The following OR10A2 variants were observed in gnomAD, a reference collection of about 807,000 sequenced individuals.
OR10A2 encodes olfactory receptor family 10 subfamily A member 2.
A neutral mutation model predicts 13.7 loss-of-function variants in OR10A2; 15 were observed. The observed-to-expected ratio is 1.10, with a 90% CI of 0.73 to 1.69. The LOEUF is 1.69. Ranked by LOEUF, OR10A2 falls within the 40% of genes most tolerant of loss-of-function variation. OR10A2 has a pLI of 0.00. For synonymous variants in OR10A2, 145 were observed against 144.7 expected (o/e 1.00, Z -0.02); for missense variants, 343 against 361.1 (o/e 0.95, Z 0.41).
Position 6,870,292 on chromosome 11 carries a change from G to A in OR10A2, c.538G>A (p.Ala180Thr), listed in dbSNP as rs1187151677. The A allele has an allele frequency of 6.2e-7, 1 of 1,614,206 alleles. No individual in the cohort carries two copies. The highest frequency in any genetic ancestry group is 8.5e-7 in the Non-Finnish European group (1 of 1,180,038). The change falls in exon 2 of 2, where the codon GCA (alanine) becomes ACA (threonine). Residue 180 changes from alanine to threonine, a missense_variant. Physicochemically the swap from Ala to Thr is moderately conservative, Grantham distance 58. Coordinates refer to ENST00000641461, the MANE Select transcript of OR10A2 (RefSeq NM_001004460.2). ...GCTGAGGCTGGTCTGTGCAGACACA[G>A]CACTCTTTGAGATCTACGCCATCGT... Reference protein sequence around the residue: ...PVLRLVCADTALFEIYAIVGT... With the variant: ...PVLRLVCADTTLFEIYAIVGT...
chr11:6,866,895 T>A (rs930688522), intron 1 of OR10A2, among the ~76,000 whole-genome samples: 3 of 152,180 alleles, frequency 2.0e-5, no homozygotes, highest in Non-Finnish European at 2.9e-5. Context: ...AGACATTTAT[T>A]CTTCCTCTGG....
intron 1 of OR10A2, among the ~76,000 whole-genome samples, chr11:6,866,008 TAATAA>T (rs1848376178): frequency 6.6e-6 from 1 of 152,212 alleles, no homozygotes; most frequent in African/African-American, 2.4e-5. Context: ...GTAAGTGGAA[TAATAA>T]AATATGTGTC....
Position 6,873,254 on chromosome 11 carries a change from A to T in OR10A2, c.*2588A>T, listed in dbSNP as rs1848454331. 1 of 152,268 alleles carries T rather than the reference A, an allele frequency of 6.6e-6. No homozygotes were observed. The highest frequency in any genetic ancestry group is 1.5e-5 in the Non-Finnish European group (1 of 68,044). The allele number at this position is 152,268 out of a possible 1,614,324, so 9.4% of individuals were successfully genotyped here. A position where few individuals can be genotyped will look rare whatever the true frequency, so the allele number is the denominator to read the frequency against. ...GCAACTTTAAAGACAAGGCATTAGT[A>T]GAAACAACATTTGGTTCCCAGAGAG... On this transcript the variant is annotated 3_prime_UTR_variant, in exon 2 of 2. Transcript: ENST00000641461.
Position 6,869,662 on chromosome 11 carries a change from C to A in OR10A2, c.-93C>A. ...AAAAACAAATTGAGAATCTGACTTC[C>A]AATCAATAATCTTTCTCCATGACCA... On this transcript the variant is annotated 5_prime_UTR_variant, in exon 2 of 2. Transcript: ENST00000641461. The A allele has an allele frequency of 9.1e-7, 1 of 1,097,286 alleles. No individual in the cohort carries two copies. The highest frequency in any genetic ancestry group is 1.3e-6 in the Non-Finnish European group (1 of 743,426). 68.0% of individuals were successfully genotyped at this position (1,097,286 alleles called of 1,614,324 possible).
intron 1 of OR10A2, among the ~76,000 whole-genome samples, chr11:6,867,995 C>G (rs1265074801): frequency 2.0e-5 from 3 of 152,210 alleles, no homozygotes; most frequent in African/African-American, 7.2e-5. Flanking sequence ...AGTGATCCAC[C>G]TGCCTCAGGC....
chr11:6,873,575 T>C lies in OR10A2; in HGVS notation c.*2909T>C, dbSNP rs1457272608. On this transcript the variant is annotated 3_prime_UTR_variant, in exon 2 of 2. Transcript: ENST00000641461. ...CACAAACACAGGAGTGCTGAGAGAC[T>C]ATGATGTGTGTAAGGAACACAAAGC... 6.6e-6 allele frequency: 1 copy of C among 152,202 alleles called. No homozygotes were observed. The highest frequency in any genetic ancestry group is 1.9e-4 in the East Asian group (1 of 5,202). 9.4% of individuals were successfully genotyped at this position (152,202 alleles called of 1,614,324 possible).
At position 6,865,203 on chromosome 11, in the gene OR10A2, GA is replaced by G. The variant is rs1245539934; in HGVS notation, c.-133+1855del. Among the ~76,000 whole-genome samples, 12 of 146,704 alleles carry G rather than the reference GA, an allele frequency of 8.2e-5. 1 individual carries two copies. In the East Asian group the frequency reaches 2.4e-3, roughly 29 times the overall value. On this transcript the variant is annotated intron_variant, in intron 1 of 1. Transcript: ENST00000641461. Reference sequence around the variant, plus strand: ...TATATTTATATATTTAGAAAATTTGGAAATCCAGAAAAATAAAAATAATAAA... The same window carrying G: ...TATATTTATATATTTAGAAAATTTGGAATCCAGAAAAATAAAAATAATAAA...
rs369937168 is a variant in OR10A2, at chr11:6,869,902, C to T, written c.148C>T (p.Leu50Phe). The change falls in exon 2 of 2, where the codon CTC (leucine) becomes TTC (phenylalanine). Residue 50 changes from leucine to phenylalanine, a missense_variant. By Grantham distance (22) the Leu-to-Phe change is conservative. Transcript: ENST00000641461. ...PMLHSPMYFF[L>F]RNLSFLEIGF... The stretch of plus-strand genomic sequence containing the variant: ...GCTACACAGCCCCATGTACTTCTTC[C>T]TCAGAAACTTATCTTTCCTGGAGAT... 4.8e-5 allele frequency: 77 copies of T among 1,614,040 alleles called. No homozygotes were observed. Among genetic ancestry groups the T allele is most frequent in the Non-Finnish European group, 6.4e-5 (76 of 1,180,024 alleles).
chr11:6,867,614 A>G (rs1848389643), intron 1 of OR10A2, among the ~76,000 whole-genome samples: 2 of 152,160 alleles, frequency 1.3e-5, no homozygotes, highest in Non-Finnish European at 2.9e-5. Context: ...AAGGGAAACA[A>G]TTGATTTGAT....
chr11:6,866,061 T>C lies in OR10A2; in HGVS notation c.-133+2710T>C, dbSNP rs74719064. ...TCAGAATTATCTGTAAATTCATTCA[T>C]GTTATTGCATGTATCAATAGTTCAT... On this transcript the variant is annotated intron_variant, in intron 1 of 1. Coordinates refer to ENST00000641461, the MANE Select transcript of OR10A2 (RefSeq NM_001004460.2). Among the ~76,000 whole-genome samples, 1,119 of 152,348 alleles carry C rather than the reference T, an allele frequency of 7.3e-3. 15 individuals carry two copies. Among genetic ancestry groups the C allele is most frequent in the African/African-American group, 0.026 (1,061 of 41,570 alleles).
At chr11:6,866,460 C>A (rs3963527) in intron 1 of OR10A2, among the ~76,000 whole-genome samples, 49,635 of 151,940 alleles carry the variant, frequency 0.33, 8,608 homozygotes, top group South Asian at 0.41. Flanking sequence ...TTCTTCTTCC[C>A]ATGTGGCCCA....
In OR10A2 at chr11:6,869,672, T is replaced by A; in HGVS notation, c.-83T>A. ...TGAGAATCTGACTTCCAATCAATAATCTTTCTCCATGACCACAGTTGGGGA... is the reference window on the plus strand; with the variant it reads ...TGAGAATCTGACTTCCAATCAATAAACTTTCTCCATGACCACAGTTGGGGA... On this transcript the variant is annotated 5_prime_UTR_variant, in exon 2 of 2. Transcript: ENST00000641461. 2 of 1,162,498 alleles carry A rather than the reference T, an allele frequency of 1.7e-6. No homozygotes were observed. The highest frequency in any genetic ancestry group is 2.5e-6 in the Non-Finnish European group (2 of 799,468). 72.0% of individuals were successfully genotyped at this position (1,162,498 alleles called of 1,614,324 possible). A position where few individuals can be genotyped will look rare whatever the true frequency, so the allele number is the denominator to read the frequency against.
At chr11:6,867,316 A>C (rs1396876596) in intron 1 of OR10A2, among the ~76,000 whole-genome samples, 5 of 152,088 alleles carry the variant, frequency 3.3e-5, no homozygotes, top group Middle Eastern at 3.4e-3. Flanking sequence ...AGTTCATGCA[A>C]TTCTCGTGCC....
In OR10A2 at chr11:6,870,151, G is replaced by C. The variant is rs1253457990; in HGVS notation, c.397G>C (p.Ala133Pro). The change falls in exon 2 of 2, where the codon GCT (alanine) becomes CCT (proline). Residue 133 changes from alanine to proline, a missense_variant. Coordinates refer to ENST00000641461, the MANE Select transcript of OR10A2 (RefSeq NM_001004460.2). ...MNQRTRAKLA[A>P]ASWFPGFPVA... ...CCAAAGGACTCGTGCCAAACTGGCT[G>C]CTGCCTCCTGGTTCCCAGGCTTTCC... The C allele has an allele frequency of 6.2e-7, 1 of 1,614,224 alleles. No homozygotes were observed. Among genetic ancestry groups the C allele is most frequent in the South Asian group, 1.1e-5 (1 of 91,082 alleles).
rs1330477531 is a variant in OR10A2 at position 6,870,471 on chromosome 11, T to C, written c.717T>C (p.Tyr239=). Residue 239 remains tyrosine, a synonymous_variant, in exon 2 of 2, where the codon TAT becomes TAC. Coordinates refer to ENST00000641461, the MANE Select transcript of OR10A2 (RefSeq NM_001004460.2). ...SSHLLVVSLF[Y]ISLSLTYFRP... ...ACCTCCTTGTTGTCTCTCTTTTCTA[T>C]ATATCATTAAGCCTCACCTACTTCC... The C allele has an allele frequency of 6.2e-7, 1 of 1,614,178 alleles. No individual in the cohort carries two copies. The highest frequency in any genetic ancestry group is 8.5e-7 in the Non-Finnish European group (1 of 1,180,004).
At chr11:6,866,311 C>T (rs77726740) in intron 1 of OR10A2, among the ~76,000 whole-genome samples, 346 of 152,308 alleles carry the variant, frequency 2.3e-3, no homozygotes, top group African/African-American at 7.7e-3. Context: ...CTGTTTTCTG[C>T]AGTGGCTATA....
rs1426179379 is a variant in OR10A2, at chr11:6,872,644, C to T, written c.*1978C>T. On this transcript the variant is annotated 3_prime_UTR_variant, in exon 2 of 2. Transcript: ENST00000641461. ...GGACTATAGGCGTACATCACCATGC[C>T]TGGCCATTTAAAAATTTTTTTTTAG... 1 of 152,056 alleles carries T rather than the reference C, an allele frequency of 6.6e-6. No individual in the cohort carries two copies. The highest frequency in any genetic ancestry group is 2.4e-5 in the African/African-American group (1 of 41,364). 9.4% of individuals were successfully genotyped at this position (152,056 alleles called of 1,614,324 possible).
chr11:6,870,671 T>G lies in OR10A2; in HGVS notation c.*5T>G, dbSNP rs567801379. On this transcript the variant is annotated 3_prime_UTR_variant, in exon 2 of 2. Coordinates refer to ENST00000641461, the MANE Select transcript of OR10A2 (RefSeq NM_001004460.2). ...CTCAGAAACTGTATCCCATAGACCT[T>G]AGGAAGTAAGGCTACATTTTACTGG... 6.5e-7 allele frequency: 1 copy of G among 1,537,620 alleles called. No individual in the cohort carries two copies. Among genetic ancestry groups the G allele is most frequent in the African/African-American group, 1.4e-5 (1 of 72,182 alleles).
chr11:6,864,512 C>G (rs60584320), intron 1 of OR10A2, among the ~76,000 whole-genome samples: 33,651 of 151,910 alleles, frequency 0.22, 3,801 homozygotes, highest in Non-Finnish European at 0.24. Flanking sequence ...TAAAGAGTGA[C>G]ATATATATTG....
Sources: gnomAD v4.1 joint callset for allele counts (sites outside exome capture counted in the v4.1 genomes callset) on GRCh38, gnomAD v4.1.1 for gene constraint, MANE v1.5 for transcripts, NCBI Gene and HGNC (gene_info 2026-07-23, HGNC 2026-07-21) for gene names.